SGF29: variants seen among roughly 807,000 people sequenced by gnomAD.
SGF29 encodes SAGA-associated factor 29.
In SGF29, 15 loss-of-function variants were observed where a neutral mutation model predicts 38.1. The ratio of observed to expected loss-of-function variants is 0.39; its 90% CI spans 0.26 to 0.61. The LOEUF is 0.61. Among genes scored for constraint, SGF29 ranks in the 20% least tolerant of loss-of-function variants. The pLI, the probability that SGF29 is intolerant of heterozygous loss-of-function variation, is 0.49. For synonymous variants in SGF29, 151 were observed against 160.8 expected (o/e 0.94, Z 0.46); for missense variants, 184 against 394.6 (o/e 0.47, Z 4.52).
intron 1 of SGF29, among the ~76,000 whole-genome samples, chr16:28,572,011 G>A (rs769973477): frequency 3.3e-5 from 5 of 152,006 alleles, no homozygotes; most frequent in South Asian, 2.1e-4. Flanking sequence ...ACGGAGTCTC[G>A]CACTGTTGCC....
chr16:28,582,042 C>T (rs757878347), intron 2 of SGF29, among the ~76,000 whole-genome samples: 7 of 152,106 alleles, frequency 4.6e-5, no homozygotes, highest in African/African-American at 1.7e-4. Flanking sequence ...ATTTTGCCCA[C>T]GATACTCAGG....
At position 28,591,670 on chromosome 16, in the gene SGF29, A is replaced by G. The variant is rs11401; in HGVS notation, c.846A>G (p.Arg282=). 271,653 of 1,611,436 alleles carry G rather than the reference A, an allele frequency of 0.17. 23,571 individuals carry two copies. The highest frequency in any genetic ancestry group is 0.23 in the Middle Eastern group (1,392 of 6,058). ...CCCCTCCCCTCAATGTGGCTCAGAGATACGTGGTGGCTTGTAAGGAACCCA... is the reference window on the plus strand; with the variant it reads ...CCCCTCCCCTCAATGTGGCTCAGAGGTACGTGGTGGCTTGTAAGGAACCCA... ...GYSPPLNVAQ[R]YVVACKEPKK... Residue 282 remains arginine (R), a synonymous_variant, in exon 10 of 10, where the codon AGA becomes AGG. Coordinates refer to ENST00000317058, the MANE Select transcript of SGF29 (RefSeq NM_138414.3).
At chr16:28,584,884 G>A (rs1463547728) in intron 2 of SGF29, 29 bp from the exon 3 acceptor site, 17 of 1,592,808 alleles carry the variant, frequency 1.1e-5, no homozygotes, top group African/African-American at 4.0e-5. Flanking sequence ...AAGGGCCACC[G>A]TCATGTCCTG....
In SGF29 at chr16:28,591,754, C is replaced by G. The variant is rs1443173759; in HGVS notation, c.*48C>G. The G allele has an allele frequency of 6.9e-7, 1 of 1,454,662 alleles. No homozygotes were observed. The highest frequency in any genetic ancestry group is 1.4e-5 in the African/African-American group (1 of 71,862). The allele number at this position is 1,454,662 out of a possible 1,614,324, so 90.1% of individuals were successfully genotyped here. A position where few individuals can be genotyped will look rare whatever the true frequency, so the allele number is the denominator to read the frequency against. ...CCCCCAACGACACAGGGCAGGACAG[C>G]AGAGGACGTGCTGGGATTAAACACA... On this transcript the variant is annotated 3_prime_UTR_variant, in exon 10 of 10. Transcript: ENST00000317058.
chr16:28,556,923 C>T (rs1301358900), intron 1 of SGF29, among the ~76,000 whole-genome samples: 1 of 152,168 alleles, frequency 6.6e-6, no homozygotes, highest in Non-Finnish European at 1.5e-5. Context: ...GCTGGGATTA[C>T]GGTCATGAGC....
chr16:28,569,276 G>T (rs2046851212), intron 1 of SGF29, among the ~76,000 whole-genome samples: 1 of 152,174 alleles, frequency 6.6e-6, no homozygotes, highest in Admixed American at 6.5e-5. Flanking sequence ...AATGTGAGAA[G>T]AGAGAAACAA....
chr16:28,582,488 C>G (rs1280722616), intron 2 of SGF29, among the ~76,000 whole-genome samples: 1 of 152,140 alleles, frequency 6.6e-6, no homozygotes, highest in African/African-American at 2.4e-5. Context: ...ATTGGCTCAT[C>G]AGTTGTTACA....
intron 1 of SGF29, among the ~76,000 whole-genome samples, chr16:28,577,350 CAAAAA>C (rs201638671): frequency 1.2e-5 from 1 of 86,870 alleles, no homozygotes; most frequent in African/African-American, 4.4e-5. Flanking sequence ...AACACCTGGC[CAAAAA>C]AAAAAAACAA....
At chr16:28,558,580 G>T (rs1281060760) in intron 1 of SGF29, among the ~76,000 whole-genome samples, 3 of 152,168 alleles carry the variant, frequency 2.0e-5, no homozygotes, top group African/African-American at 7.2e-5. Context: ...TTTGTTAAAT[G>T]CCTTGTCATG....
intron 4 of SGF29, chr16:28,588,486 C>T (rs1232985988): frequency 2.9e-6 from 1 of 346,808 alleles, no homozygotes; most frequent in African/African-American, 2.2e-5. Flanking sequence ...CCTGTGTTCT[C>T]TTAGTTTTTG....
chr16:28,560,988 A>C (rs1020975158), intron 1 of SGF29, among the ~76,000 whole-genome samples: 5 of 151,830 alleles, frequency 3.3e-5, no homozygotes, highest in Non-Finnish European at 7.4e-5. Context: ...GCAATCAACG[A>C]AGATCAACCC....
chr16:28,554,842 G>A (rs2046738122), intron 1 of SGF29, among the ~76,000 whole-genome samples: 1 of 152,178 alleles, frequency 6.6e-6, no homozygotes, highest in South Asian at 2.1e-4. Flanking sequence ...CAAATGCATT[G>A]TTAAGTTAGG....
chr16:28,578,280 C>T (rs974171737), intron 1 of SGF29, among the ~76,000 whole-genome samples: 1 of 151,954 alleles, frequency 6.6e-6, no homozygotes, highest in Admixed American at 6.6e-5. Flanking sequence ...ATGTCATCTG[C>T]AAATAGAAAT....
At chr16:28,574,185 AAGG>A (rs1471948256) in intron 1 of SGF29, among the ~76,000 whole-genome samples, 1 of 152,204 alleles carries the variant, frequency 6.6e-6, no homozygotes, top group African/African-American at 2.4e-5. Context: ...ACAGGAAAGA[AAGG>A]AGAAGTACAC....
intron 1 of SGF29, among the ~76,000 whole-genome samples, chr16:28,564,782 TATATACAC>T (rs1213042224): frequency 1.7e-5 from 2 of 116,534 alleles, no homozygotes; most frequent in Admixed American, 2.0e-4. Context: ...TGTATATATA[TATATACAC>T]ACACACACAC....
chr16:28,564,645 G>GTATA (rs571636951), intron 1 of SGF29, among the ~76,000 whole-genome samples: 1 of 101,098 alleles, frequency 9.9e-6, no homozygotes, highest in African/African-American at 3.8e-5. Context: ...GTATATATGT[G>GTATA]TATATATACG....
chr16:28,566,273 C>CA (rs898260859), intron 1 of SGF29, among the ~76,000 whole-genome samples: 1,443 of 132,992 alleles, frequency 0.011, 8 homozygotes, highest in East Asian at 0.024. Context: ...GACTCTGTCT[C>CA]AAAAAAAAAA....
intron 1 of SGF29, among the ~76,000 whole-genome samples, chr16:28,574,522 T>C (rs2046882611): frequency 6.6e-6 from 1 of 152,172 alleles, no homozygotes; most frequent in Admixed American, 6.5e-5. Context: ...GTGCATCAAG[T>C]GTGGACCGTC....
intron 1 of SGF29, among the ~76,000 whole-genome samples, chr16:28,562,157 T>A (rs1025939886): frequency 2.0e-5 from 3 of 152,168 alleles, no homozygotes; most frequent in African/African-American, 7.2e-5. Flanking sequence ...TGCGATTGGC[T>A]CTTTTGCTCA....
Sources: gnomAD v4.1 joint callset for allele counts (sites outside exome capture counted in the v4.1 genomes callset) on GRCh38, gnomAD v4.1.1 for gene constraint, MANE v1.5 for transcripts, NCBI Gene and HGNC (gene_info 2026-07-23, HGNC 2026-07-21) for gene names.